RBFOX1: variants seen among roughly 807,000 people sequenced by gnomAD.
The protein encoded by RBFOX1 is RNA binding protein fox-1 homolog 1.
A neutral mutation model predicts 57.7 loss-of-function variants in RBFOX1; 8 were observed. The observed-to-expected ratio is 0.14, with a 90% CI of 0.08 to 0.25. The LOEUF is 0.25. Among genes scored for constraint, RBFOX1 ranks in the 10% least tolerant of loss-of-function variants. The pLI is 1.00. For synonymous variants in RBFOX1, 326 were observed against 222.4 expected (o/e 1.47, Z -4.15); for missense variants, 611 against 548.5 (o/e 1.11, Z -1.14).
At chr16:5,758,040 C>G (rs1008772001) in intron 3 of RBFOX1, among the ~76,000 whole-genome samples, 3 of 152,160 alleles carry the variant, frequency 2.0e-5, no homozygotes, top group African/African-American at 7.2e-5. Flanking sequence ...TTGCAGCAAC[C>G]TGGGGTTGGA....
chr16:7,033,006 G>T (rs1336110093), intron 3 of RBFOX1, among the ~76,000 whole-genome samples: 1 of 152,164 alleles, frequency 6.6e-6, no homozygotes, highest in East Asian at 1.9e-4. Flanking sequence ...AATCAGCTCA[G>T]CAAAAATAGC....
At chr16:6,943,321 T>G (rs1396641664) in intron 3 of RBFOX1, among the ~76,000 whole-genome samples, 2 of 152,212 alleles carry the variant, frequency 1.3e-5, no homozygotes, top group Non-Finnish European at 2.9e-5. Flanking sequence ...CAAATATGGC[T>G]TGAAAAGGAC....
Position 6,862,946 on chromosome 16 carries a change from C to T in RBFOX1, c.-15-189111C>T, listed in dbSNP as rs1418813508. Among the ~76,000 whole-genome samples, 7 of 151,232 alleles carry T rather than the reference C, an allele frequency of 4.6e-5. No individual in the cohort carries two copies. In the East Asian group the frequency reaches 1.2e-3, roughly 25 times the overall value. ...GTTGCAGTGAGCTGAGATCACGGCA[C>T]TGCACTCCAGCCTGGGCGACAGAGG... On this transcript the variant is annotated intron_variant, in intron 3 of 15. Coordinates refer to ENST00000550418, the MANE Select transcript of RBFOX1 (RefSeq NM_018723.4).
At chr16:7,380,026 T>C (rs1457289799) in intron 4 of RBFOX1, among the ~76,000 whole-genome samples, 1 of 152,150 alleles carries the variant, frequency 6.6e-6, no homozygotes, top group Non-Finnish European at 1.5e-5. Context: ...GCTTATTTTT[T>C]AAAGAAAATT....
chr16:7,422,384 G>T (rs1896905868), intron 4 of RBFOX1, among the ~76,000 whole-genome samples: 1 of 152,146 alleles, frequency 6.6e-6, no homozygotes, highest in South Asian at 2.1e-4. Flanking sequence ...GCAATCGGAG[G>T]TAATAATGTC....
At chr16:6,422,727 A>G (rs2093811055) in intron 2 of RBFOX1, among the ~76,000 whole-genome samples, 1 of 152,164 alleles carries the variant, frequency 6.6e-6, no homozygotes, top group Admixed American at 6.5e-5. Flanking sequence ...TTTCACTAGC[A>G]CAAAAATAGC....
chr16:5,763,240 C>G (rs1021516367), intron 3 of RBFOX1, among the ~76,000 whole-genome samples: 6 of 152,222 alleles, frequency 3.9e-5, no homozygotes, highest in East Asian at 1.9e-4. Flanking sequence ...GATCCACACT[C>G]GGATCAGAAG....
At chr16:5,985,017 C>G (rs549773506) in intron 4 of RBFOX1, among the ~76,000 whole-genome samples, 43 of 125,316 alleles carry the variant, frequency 3.4e-4, no homozygotes, top group Admixed American at 2.0e-3. Flanking sequence ...GAGTTTCACT[C>G]TGTCGCCCAG....
chr16:6,640,616 T>C (rs1174317082), intron 2 of RBFOX1, among the ~76,000 whole-genome samples: 3 of 150,816 alleles, frequency 2.0e-5, no homozygotes, highest in Non-Finnish European at 4.4e-5. Context: ...GCCAAATAAA[T>C]AAATAAATAA....
chr16:6,906,724 A>ATTT lies in RBFOX1; in HGVS notation c.-15-145319_-15-145317dup, dbSNP rs200335697. On this transcript the variant is annotated intron_variant, in intron 3 of 15. Transcript: ENST00000550418. ...GTGCTCCATAAATATTTGCAGAACT[A>ATTT]TTTTTTTTTTTTTTTTGAGACAGAG... Among the ~76,000 whole-genome samples the ATTT allele has an allele frequency of 4.9e-4, 69 of 141,948 alleles. 1 individual carries two copies. The highest frequency in any genetic ancestry group is 3.6e-3 in the Middle Eastern group (1 of 274). The allele number at this position is 141,948 out of a possible 152,430, so 93.1% of individuals were successfully genotyped here. A position where few individuals can be genotyped will look rare whatever the true frequency, so the allele number is the denominator to read the frequency against.
At chr16:6,091,032 C>A (rs1186840103) in intron 1 of RBFOX1, among the ~76,000 whole-genome samples, 1 of 152,214 alleles carries the variant, frequency 6.6e-6, no homozygotes, top group East Asian at 1.9e-4. Context: ...TCGCTTTGAA[C>A]ATTGATCAAT....
At chr16:5,619,986 T>TA (rs35481033) in intron 3 of RBFOX1, among the ~76,000 whole-genome samples, 41,538 of 140,402 alleles carry the variant, frequency 0.3, 6,816 homozygotes, top group East Asian at 0.75. Flanking sequence ...TAGGATGCAT[T>TA]AAAAAAAAAA....
intron 4 of RBFOX1, among the ~76,000 whole-genome samples, chr16:7,242,116 G>C (rs2094097108): frequency 6.6e-6 from 1 of 151,998 alleles, no homozygotes; most frequent in Non-Finnish European, 1.5e-5. Flanking sequence ...TCCTTCTGTT[G>C]AGAACCCCTG....
chr16:6,666,482 G>T (rs1159563822), intron 3 of RBFOX1, among the ~76,000 whole-genome samples: 1 of 148,500 alleles, frequency 6.7e-6, no homozygotes, highest in African/African-American at 2.5e-5. Flanking sequence ...AGAGGTTACA[G>T]TCAGCTGAGA....
In RBFOX1 at chr16:7,447,144, A is replaced by G. The variant is rs558624749; in HGVS notation, c.28-71003A>G. Among the ~76,000 whole-genome samples, 3 of 150,574 alleles carry G rather than the reference A, an allele frequency of 2.0e-5. No homozygotes were observed. The East Asian group carries it at 5.8e-4, about 29-fold the overall frequency. Reference sequence around the variant, plus strand: ...AGGTCTGGGTTTTATGAGATGTGACACTTACAGAATTTGGGAGCCCTCCGT... The same window carrying G: ...AGGTCTGGGTTTTATGAGATGTGACGCTTACAGAATTTGGGAGCCCTCCGT... On this transcript the variant is annotated intron_variant, in intron 4 of 15. Transcript: ENST00000550418.
At chr16:6,993,756 G>T (rs1284729365) in intron 3 of RBFOX1, among the ~76,000 whole-genome samples, 2 of 152,138 alleles carry the variant, frequency 1.3e-5, no homozygotes, top group Non-Finnish European at 2.9e-5. Context: ...TGGGCATGGG[G>T]CAGGGGAGAT....
chr16:7,411,397 C>G (rs997256757), intron 4 of RBFOX1, among the ~76,000 whole-genome samples: 1 of 152,190 alleles, frequency 6.6e-6, no homozygotes, highest in Non-Finnish European at 1.5e-5. Flanking sequence ...TCTTCCTTCT[C>G]TAAATTTCAC....
chr16:7,480,289 C>T (rs1046677951), intron 4 of RBFOX1, among the ~76,000 whole-genome samples: 1 of 152,136 alleles, frequency 6.6e-6, no homozygotes, highest in African/African-American at 2.4e-5. Flanking sequence ...GACATCTAGT[C>T]CTTCTTCTGT....
intron 15 of RBFOX1, 33 bp from the exon 16 acceptor site, chr16:7,710,589 TA>T: frequency 6.2e-7 from 1 of 1,609,706 alleles, no homozygotes; most frequent in South Asian, 1.1e-5. Flanking sequence ...AAGGAAAATG[TA>T]AAAAACACAC....
Sources: allele counts gnomAD v4.1 joint callset (sites outside exome capture counted in the v4.1 genomes callset), GRCh38; gene constraint gnomAD v4.1.1; transcripts MANE v1.5; gene names NCBI Gene and HGNC (gene_info 2026-07-23, HGNC 2026-07-21).